Variants in ABLIM3 observed in about 807,000 individuals in gnomAD.
ABLIM3 encodes actin-binding LIM protein 3.
Under a neutral mutation model 109.5 loss-of-function variants are expected in ABLIM3, and 61 were observed. The ratio of observed to expected loss-of-function variants is 0.56; its 90% CI spans 0.45 to 0.69. The LOEUF (loss-of-function observed/expected upper bound fraction) is 0.69. Ranked by LOEUF, ABLIM3 falls within the 30% of genes least tolerant of loss-of-function variation. ABLIM3 has a pLI of 0.00. For synonymous variants in ABLIM3, 300 were observed against 324.8 expected (o/e 0.92, Z 0.82); for missense variants, 796 against 889.5 (o/e 0.89, Z 1.34).
chr5:149,195,780 T>C (rs1757910037), intron 3 of ABLIM3, among the ~76,000 whole-genome samples: 1 of 152,222 alleles, frequency 6.6e-6, no homozygotes, highest in South Asian at 2.1e-4. Context: ...CATTGTTTGA[T>C]GTGATGAATT....
chr5:149,192,729 T>C (rs1286435043), intron 3 of ABLIM3, among the ~76,000 whole-genome samples: 1 of 151,956 alleles, frequency 6.6e-6, no homozygotes, highest in East Asian at 1.9e-4. Context: ...AACGAAATAG[T>C]GTATCTAGCA....
intron 9 of ABLIM3, 127 bp downstream of exon 9, chr5:149,230,834 G>A: frequency 2.7e-6 from 3 of 1,105,154 alleles, no homozygotes; most frequent in South Asian, 1.4e-5. Context: ...GTGTGCCTAT[G>A]TCCTTGGATT....
chr5:149,200,493 G>A (rs960455769), intron 5 of ABLIM3, 65 bp downstream of exon 5: 86 of 1,538,726 alleles, frequency 5.6e-5, no homozygotes, highest in Non-Finnish European at 7.3e-5. Flanking sequence ...CCCTTTCCCA[G>A]CACTGCCAAC....
intron 5 of ABLIM3, among the ~76,000 whole-genome samples, chr5:149,201,474 C>A (rs560246293): frequency 6.4e-4 from 97 of 152,288 alleles, no homozygotes; most frequent in East Asian, 1.2e-3. Flanking sequence ...CCCGAGTCAG[C>A]AGGGCTTAGC....
chr5:149,142,294 G>T (rs1752537231), intron 2 of ABLIM3, among the ~76,000 whole-genome samples, 186 bp downstream of exon 2: 1 of 152,166 alleles, frequency 6.6e-6, no homozygotes, highest in African/African-American at 2.4e-5. Flanking sequence ...CTGGCTTTTC[G>T]TGATAATTTT....
At chr5:149,241,496 C>T (rs960273158) in intron 14 of ABLIM3, among the ~76,000 whole-genome samples, 6 of 152,322 alleles carry the variant, frequency 3.9e-5, no homozygotes, top group Non-Finnish European at 8.8e-5. Context: ...CGTGGTCGCT[C>T]ACGCCTGTAA....
rs766297738 is a variant in ABLIM3 at position 149,240,681 on chromosome 5, G to A, written c.1210G>A (p.Glu404Lys). ...CCACTTCCTGCGTGCTCCAGGGCCC[G>A]AGAGTGGCCGGAGCTCTCCATACCA... ...SPHHYYRSGPESGRSSPYHSQ... is the reference protein window; with the variant it reads ...SPHHYYRSGPKSGRSSPYHSQ... The change falls in exon 14 of 24, where the codon GAG becomes AAG. Residue 404 changes from glutamate (E) to lysine (K), a missense_variant. Glu to Lys is a moderately conservative substitution (Grantham distance 56). Transcript: ENST00000309868. The A allele has an allele frequency of 2.6e-5, 42 of 1,613,724 alleles. No homozygotes were observed. Among genetic ancestry groups the A allele is most frequent in the Non-Finnish European group, 3.0e-5 (35 of 1,179,898 alleles).
Position 149,242,532 on chromosome 5 carries a change from C to T in ABLIM3, c.1345C>T (p.Arg449Trp), listed in dbSNP as rs139404389. 103 of 1,613,958 alleles carry T rather than the reference C, an allele frequency of 6.4e-5. No homozygotes were observed. The African/African-American group carries it at 6.9e-4, about 11-fold the overall frequency. The part of the protein sequence containing the change: ...NIYRKPPIYK[R>W]HGDLSTATKS... The stretch of plus-strand genomic sequence containing the variant: ...CTACCGGAAACCCCCGATCTACAAA[C>T]GGCATGGTATGGTCAGAGGTAGATA... The change falls in exon 15 of 24, where the codon CGG becomes TGG. Residue 449 changes from arginine to tryptophan, a missense_variant. Transcript: ENST00000309868.
chr5:149,192,286 A>G (rs1376930836), intron 3 of ABLIM3, among the ~76,000 whole-genome samples: 1 of 152,138 alleles, frequency 6.6e-6, no homozygotes, highest in Non-Finnish European at 1.5e-5. Flanking sequence ...TCTACAATTT[A>G]GTAAAATCAA....
chr5:149,160,204 C>G (rs1754213173), intron 2 of ABLIM3, among the ~76,000 whole-genome samples: 1 of 152,154 alleles, frequency 6.6e-6, no homozygotes, highest in African/African-American at 2.4e-5. Flanking sequence ...CTTGTAATCT[C>G]AGCACTTTGG....
At position 149,259,447 on chromosome 5, in the gene ABLIM3, G is replaced by A. The variant is rs1299133586; in HGVS notation, c.*1043G>A. On this transcript the variant is annotated 3_prime_UTR_variant, in exon 24 of 24. Coordinates refer to ENST00000309868, the MANE Select transcript of ABLIM3 (RefSeq NM_014945.5). ...AAAATAGGCCGTGTCTCAAAGAAAG[G>A]TTCTTGGTCTATGCCTCTGGTCTGT... is the stretch of plus-strand genomic sequence containing the variant. The A allele has an allele frequency of 6.5e-7, 1 of 1,531,148 alleles. No homozygotes were observed. The highest frequency in any genetic ancestry group is 1.4e-5 in the African/African-American group (1 of 72,868). The allele number at this position is 1,531,148 out of a possible 1,614,324, so 94.8% of individuals were successfully genotyped here.
intron 6 of ABLIM3, among the ~76,000 whole-genome samples, chr5:149,210,237 T>C (rs995212574): frequency 7.2e-5 from 11 of 152,064 alleles, no homozygotes; most frequent in African/African-American, 2.4e-4. Flanking sequence ...ACAACCTGGG[T>C]GAGAAACCAG....
intron 23 of ABLIM3, among the ~76,000 whole-genome samples, chr5:149,256,354 A>G (rs1754425796): frequency 6.6e-6 from 1 of 152,248 alleles, no homozygotes; most frequent in Admixed American, 6.5e-5. Context: ...CTCTGTCTTT[A>G]CTATGGAAGG....
intron 23 of ABLIM3, among the ~76,000 whole-genome samples, chr5:149,254,912 C>A (rs907562366): frequency 3.3e-5 from 5 of 152,168 alleles, no homozygotes; most frequent in African/African-American, 9.6e-5. Context: ...TTAAAAGCAC[C>A]CAAGGATGGC....
intron 3 of ABLIM3, among the ~76,000 whole-genome samples, chr5:149,186,458 C>T (rs183075747): frequency 6.6e-6 from 1 of 152,102 alleles, no homozygotes; most frequent in Admixed American, 6.5e-5. Context: ...AATATCTGTC[C>T]ATAATCCACC....
chr5:149,164,220 T>A (rs1282919062), intron 2 of ABLIM3: 1 of 152,204 alleles, frequency 6.6e-6, no homozygotes, highest in African/African-American at 2.4e-5. Context: ...GGAACGAGTG[T>A]GTTGCATTTG....
chr5:149,143,994 G>A (rs1036589354), intron 2 of ABLIM3, among the ~76,000 whole-genome samples: 1 of 152,104 alleles, frequency 6.6e-6, no homozygotes, highest in African/African-American at 2.4e-5. Flanking sequence ...TTCTCTCTCT[G>A]GAATGCTAAG....
intron 3 of ABLIM3, among the ~76,000 whole-genome samples, chr5:149,191,443 C>T (rs1292082132): frequency 2.0e-5 from 3 of 152,144 alleles, no homozygotes; most frequent in African/African-American, 7.2e-5. Flanking sequence ...GTAGTTAAAA[C>T]TCTTCTACGA....
At chr5:149,230,183 A>G (rs73795946) in intron 8 of ABLIM3, among the ~76,000 whole-genome samples, 6,553 of 152,248 alleles carry the variant, frequency 0.043, 485 homozygotes, top group African/African-American at 0.15. Context: ...CCCCACAAAC[A>G]TGTACGGATC....
Sources: allele counts gnomAD v4.1 joint callset (sites outside exome capture counted in the v4.1 genomes callset), GRCh38; gene constraint gnomAD v4.1.1; transcripts MANE v1.5; gene names NCBI Gene and HGNC (gene_info 2026-07-23, HGNC 2026-07-21).